GFPT2: variants seen among roughly 807,000 people sequenced by gnomAD.
The protein encoded by GFPT2 is glutamine--fructose-6-phosphate transaminase 2.
In GFPT2, 62 loss-of-function variants were observed where a neutral mutation model predicts 85.6. The ratio of observed to expected loss-of-function variants is 0.72; its 90% CI spans 0.59 to 0.90. GFPT2 has a LOEUF of 0.90. GFPT2 is among the 40% of genes least tolerant of loss of function. The pLI, the probability that GFPT2 is intolerant of heterozygous loss-of-function variation, is 0.00. For synonymous variants in GFPT2, 368 were observed against 344.5 expected, an observed-to-expected ratio of 1.07 and a Z score of -0.75; for missense variants, 788 against 893.4, an observed-to-expected ratio of 0.88 and a Z score of 1.50.
chr5:180,344,696 C>T (rs1764574853), intron 1 of GFPT2, among the ~76,000 whole-genome samples: 1 of 152,190 alleles, frequency 6.6e-6, no homozygotes, highest in Admixed American at 6.5e-5. Flanking sequence ...GGTGCTTGAA[C>T]CCTCCTGGCA....
At chr5:180,336,194 A>C in intron 3 of GFPT2, 1 of 570,452 alleles carries the variant, frequency 1.8e-6, no homozygotes, top group South Asian at 2.3e-5. Context: ...AGAAAATGAT[A>C]TATCCCTACC....
rs1010915951 is a variant in GFPT2, at chr5:180,338,564, G to A, written c.44C>T (p.Thr15Met). 25 of 1,610,962 alleles carry A rather than the reference G, an allele frequency of 1.6e-5. No individual in the cohort carries two copies. Among genetic ancestry groups the A allele is most frequent in the East Asian group, 2.2e-5 (1 of 44,880 alleles). ...FAYMNYRVPR[T>M]RKEIFETLIK... Reference sequence around the variant, plus strand: ...GAGGGTTTCGAAGATCTCCTTCCTCGTCCGGGGGACTCTGTAGTTCATGTA... The same window carrying A: ...GAGGGTTTCGAAGATCTCCTTCCTCATCCGGGGGACTCTGTAGTTCATGTA... Residue 15 changes from threonine (T) to methionine (M), a missense_variant, in exon 2 of 19, where the codon ACG becomes ATG. Coordinates refer to ENST00000253778, the MANE Select transcript of GFPT2 (RefSeq NM_005110.4).
chr5:180,306,425 G>C (rs1177067133), intron 16 of GFPT2, among the ~76,000 whole-genome samples: 1 of 152,216 alleles, frequency 6.6e-6, no homozygotes, highest in African/African-American at 2.4e-5. Flanking sequence ...CTGAGCATCT[G>C]CTCCGTGCAT....
In GFPT2 at chr5:180,327,224, C is replaced by T. The variant is rs193064044; in HGVS notation, c.596+1053G>A. On this transcript the variant is annotated intron_variant, in intron 7 of 18. Coordinates refer to ENST00000253778, the MANE Select transcript of GFPT2 (RefSeq NM_005110.4). ...ACAGGGCACTGAGGCCATTTAGAGC[C>T]GGCCTCTGTCCGCCTCTCCACTCCC... 3.9e-5 allele frequency among the ~76,000 whole-genome samples: 6 copies of T among 152,284 alleles called. No individual in the cohort carries two copies. In the East Asian group the frequency reaches 5.8e-4, roughly 15 times the overall value.
At position 180,330,558 on chromosome 5, in the gene GFPT2, C is replaced by T; in HGVS notation, c.534+142G>A. 2 of 669,204 alleles carry T rather than the reference C, an allele frequency of 3.0e-6. No homozygotes were observed. Among genetic ancestry groups the T allele is most frequent in the Non-Finnish European group, 5.1e-6 (2 of 389,874 alleles). 41.5% of individuals were successfully genotyped at this position (669,204 alleles called of 1,614,324 possible). On this transcript the variant is annotated intron_variant, in intron 6 of 18. Transcript: ENST00000253778. The surrounding 1 kb of genome is among the most constrained non-coding windows in gnomAD (Gnocchi z 4.4). Reference sequence around the variant, plus strand: ...AGGCCAGGCTCTGCAGATGGGCTGTCTTTTATCCCCAGGACTCTGTGCAAG... The same window carrying T: ...AGGCCAGGCTCTGCAGATGGGCTGTTTTTTATCCCCAGGACTCTGTGCAAG...
At chr5:180,337,143 TAGAA>T (rs1241372636) in intron 2 of GFPT2, among the ~76,000 whole-genome samples, 1 of 152,176 alleles carries the variant, frequency 6.6e-6, no homozygotes, top group East Asian at 1.9e-4. Context: ...TGTAGCCACT[TAGAA>T]AGCTACTTAG....
chr5:180,315,000 A>G (rs1014362756), intron 13 of GFPT2, among the ~76,000 whole-genome samples: 1 of 152,184 alleles, frequency 6.6e-6, no homozygotes, highest in Non-Finnish European at 1.5e-5. Context: ...CTCCTGCGTC[A>G]TAAGGTGGTG....
chr5:180,333,105 T>G (rs1265514497), intron 4 of GFPT2, among the ~76,000 whole-genome samples: 1 of 152,208 alleles, frequency 6.6e-6, no homozygotes, highest in Non-Finnish European at 1.5e-5. Flanking sequence ...TATTTATTTA[T>G]TTTTTACTGC....
chr5:180,310,728 G>A (rs542095913), intron 15 of GFPT2, among the ~76,000 whole-genome samples: 2 of 149,358 alleles, frequency 1.3e-5, no homozygotes, highest in East Asian at 4.0e-4. Context: ...CCATTCTTAA[G>A]GGAAACTGGG....
intron 16 of GFPT2, among the ~76,000 whole-genome samples, chr5:180,305,447 G>A (rs532011332): frequency 1.4e-4 from 21 of 152,298 alleles, no homozygotes; most frequent in Admixed American, 3.9e-4. Flanking sequence ...TGTTCAGGTA[G>A]ATCCATCTCT....
rs540937332 is a variant in GFPT2 at position 180,317,889 on chromosome 5, G to C, written c.959-831C>G. Among the ~76,000 whole-genome samples, 4 of 152,246 alleles carry C rather than the reference G, an allele frequency of 2.6e-5. No individual in the cohort carries two copies. In the South Asian group the frequency reaches 8.3e-4, roughly 32 times the overall value. On this transcript the variant is annotated intron_variant, in intron 10 of 18. Coordinates refer to ENST00000253778, the MANE Select transcript of GFPT2 (RefSeq NM_005110.4). Reference sequence around the variant, plus strand: ...AAGCCCCTGCACCTGATGCTCTGGAGGTACCCACAGGCAGGGCAGGCCGTG... The same window carrying C: ...AAGCCCCTGCACCTGATGCTCTGGACGTACCCACAGGCAGGGCAGGCCGTG...
Position 180,301,337 on chromosome 5 carries a change from A to G in GFPT2, c.*227T>C. On this transcript the variant is annotated 3_prime_UTR_variant, in exon 19 of 19. Coordinates refer to ENST00000253778, the MANE Select transcript of GFPT2 (RefSeq NM_005110.4). ...AGTGGAGAAGTCTGCTCTGATCCCC[A>G]TGTGTAAACAATGATTCCCTTCTCC... 1.7e-6 allele frequency: 1 copy of G among 595,664 alleles called. No homozygotes were observed. Among genetic ancestry groups the G allele is most frequent in the Non-Finnish European group, 3.0e-6 (1 of 334,332 alleles). 36.9% of individuals were successfully genotyped at this position (595,664 alleles called of 1,614,324 possible). A position where few individuals can be genotyped will look rare whatever the true frequency, so the allele number is the denominator to read the frequency against.
At chr5:180,315,120 G>A (rs1232994287) in intron 13 of GFPT2, among the ~76,000 whole-genome samples, 1 of 152,178 alleles carries the variant, frequency 6.6e-6, no homozygotes, top group Non-Finnish European at 1.5e-5. Context: ...ATAGATGATA[G>A]GGCATTACAA....
intron 5 of GFPT2, chr5:180,331,039 G>C (rs1764291421): frequency 1.7e-6 from 1 of 572,098 alleles, no homozygotes; most frequent in Middle Eastern, 4.6e-4. Context: ...TCCCACCTCA[G>C]AAGCTCACCC....
chr5:180,312,989 A>C (rs11249703), intron 14 of GFPT2, among the ~76,000 whole-genome samples: 47,486 of 151,520 alleles, frequency 0.31, 7,640 homozygotes, highest in South Asian at 0.39. Context: ...GTTAGCCAGG[A>C]TGGTCTCAAA....
At chr5:180,312,405 T>G (rs1382359134) in intron 15 of GFPT2, 25 bp downstream of exon 15, 1 of 1,195,022 alleles carries the variant, frequency 8.4e-7, no homozygotes, top group Admixed American at 1.7e-5. Flanking sequence ...TCTGAAAACA[T>G]GGAAAGCTGA....
chr5:180,314,031 C>T, intron 13 of GFPT2, 67 bp from the exon 14 acceptor site: 2 of 1,439,898 alleles, frequency 1.4e-6, no homozygotes, highest in Admixed American at 2.4e-5. Flanking sequence ...ACCCCTTCCT[C>T]CTTCACCGCC....
chr5:180,319,448 A>G (rs988976091), intron 9 of GFPT2, among the ~76,000 whole-genome samples: 1 of 152,162 alleles, frequency 6.6e-6, no homozygotes, highest in Admixed American at 6.5e-5. Flanking sequence ...CGCCTTTCTA[A>G]ACAATCTGTC....
chr5:180,340,540 C>G (rs1299046052), intron 1 of GFPT2, among the ~76,000 whole-genome samples: 2 of 99,490 alleles, frequency 2.0e-5, no homozygotes, highest in Non-Finnish European at 3.9e-5. Context: ...GAGACGGAGT[C>G]TAGCTCTGTT....
Sources: allele counts gnomAD v4.1 joint callset (sites outside exome capture counted in the v4.1 genomes callset), GRCh38; gene constraint gnomAD v4.1.1; non-coding constraint Gnocchi (gnomAD v3.1); transcripts MANE v1.5; gene names NCBI Gene and HGNC (gene_info 2026-07-23, HGNC 2026-07-21).